Variants in EPB41 observed in about 807,000 individuals in gnomAD.
The protein encoded by EPB41 is protein 4.1.
In EPB41, 65 loss-of-function variants were observed where a neutral mutation model predicts 108.0. That is an observed-to-expected ratio of 0.60 (90% confidence interval 0.49 to 0.74). The LOEUF (loss-of-function observed/expected upper bound fraction) is 0.74. Ranked by LOEUF, EPB41 falls within the 30% of genes least tolerant of loss-of-function variation. The pLI is 0.00. For missense variants in EPB41, 875 were observed against 1,037.0 expected (o/e 0.84, Z 2.15); for synonymous variants, 336 against 358.9 (o/e 0.94, Z 0.72).
chr1:28,982,627 C>T (rs1182099669), intron 1 of EPB41: 14 of 1,108,860 alleles, frequency 1.3e-5, no homozygotes, highest in Admixed American at 3.4e-5. Flanking sequence ...AGCAACCACT[C>T]GGGCCTACAG....
chr1:28,897,608 G>GGGAGA (rs2090817325), intron 1 of EPB41, among the ~76,000 whole-genome samples: 1 of 18,198 alleles, frequency 5.5e-5, no homozygotes, highest in African/African-American at 2.8e-4. Context: ...GGAAGGGGAG[G>GGGAGA]GGAGGGGAGA....
At chr1:28,913,541 G>A (rs1468112217), upstream of EPB41, among the ~76,000 whole-genome samples, 2 of 152,194 alleles carry the variant, frequency 1.3e-5, no homozygotes, top group Non-Finnish European at 2.9e-5. Context: ...GGCTGTGCTG[G>A]GATCGTGAAG....
At chr1:28,950,614 C>G (rs142937955) in intron 1 of EPB41, among the ~76,000 whole-genome samples, 2 of 152,248 alleles carry the variant, frequency 1.3e-5, no homozygotes, top group African/African-American at 2.4e-5. Context: ...CAAAGGGCCT[C>G]CCCTCTCCCT....
chr1:28,945,005 C>T (rs924963585), intron 1 of EPB41, among the ~76,000 whole-genome samples: 1 of 150,194 alleles, frequency 6.7e-6, no homozygotes, highest in Non-Finnish European at 1.5e-5. Context: ...GTGGGAGGAT[C>T]ACTTGAATCT....
chr1:29,030,443 G>A lies in EPB41; in HGVS notation c.1168G>A (p.Ala390Thr). 1 of 1,614,094 alleles carries A rather than the reference G, an allele frequency of 6.2e-7. No homozygotes were observed. Among genetic ancestry groups the A allele is most frequent in the Non-Finnish European group, 8.5e-7 (1 of 1,179,984 alleles). Reference sequence around the variant, plus strand: ...GGCTGACTTGGAGTTTCTTGAGAATGCCAAAAAGTTGTCTATGTATGGAGT... The same window carrying A: ...GGCTGACTTGGAGTTTCTTGAGAATACCAAAAAGTTGTCTATGTATGGAGT... ...AQADLEFLEN[A>T]KKLSMYGVDL... is the part of the protein sequence containing the mutation. The change falls in exon 8 of 21, where the codon GCC (alanine) becomes ACC (threonine). Residue 390 changes from alanine to threonine, a missense_variant. Ala to Thr is a moderately conservative substitution (Grantham distance 58). Around this residue, in one of 3 missense-constraint regions of EPB41, gnomAD observed 519 missense variants for 627.3 expected, o/e 0.83. Transcript: ENST00000343067.
intron 7 of EPB41, among the ~76,000 whole-genome samples, chr1:29,022,883 T>C (rs932635987): frequency 1.3e-5 from 2 of 152,084 alleles, no homozygotes; most frequent in East Asian, 3.8e-4. Flanking sequence ...TGCCAGACAT[T>C]GAAGAGATTT....
chr1:29,022,664 T>C (rs1435312808), intron 7 of EPB41, among the ~76,000 whole-genome samples: 1 of 151,904 alleles, frequency 6.6e-6, no homozygotes, highest in Admixed American at 6.6e-5. Context: ...GTGGTTGCAG[T>C]GAGCCAAGAT....
intron 17 of EPB41, among the ~76,000 whole-genome samples, chr1:29,105,710 TAATA>T (rs920463403): frequency 6.6e-6 from 1 of 150,974 alleles, no homozygotes; most frequent in African/African-American, 2.4e-5. Flanking sequence ...GGGAAAATAT[TAATA>T]AAGCTGCTAT....
chr1:28,889,316 A>G (rs1235285441), intron 1 of EPB41, among the ~76,000 whole-genome samples: 2 of 152,320 alleles, frequency 1.3e-5, no homozygotes, highest in East Asian at 3.9e-4. Flanking sequence ...AGAGCCAGGC[A>G]ACACCTGCCA....
At chr1:28,957,166 T>C (rs985821646) in intron 1 of EPB41, among the ~76,000 whole-genome samples, 1 of 152,270 alleles carries the variant, frequency 6.6e-6, no homozygotes, top group Non-Finnish European at 1.5e-5. Context: ...CTGTCAGATC[T>C]GGTTTTGGCA....
chr1:28,982,358 G>A (rs1244733674), intron 1 of EPB41: 14 of 686,782 alleles, frequency 2.0e-5, no homozygotes, highest in South Asian at 5.5e-5. Flanking sequence ...GCCTCTCGTC[G>A]GGCTTTGGGC....
intron 1 of EPB41, among the ~76,000 whole-genome samples, chr1:28,891,886 C>T (rs978247014): frequency 4.6e-5 from 7 of 151,816 alleles, no homozygotes; most frequent in South Asian, 4.2e-4. Flanking sequence ...ATCAGGAGTT[C>T]GACACAGCCT....
At chr1:29,105,062 A>C (rs1444819389) in intron 17 of EPB41, among the ~76,000 whole-genome samples, 1 of 152,082 alleles carries the variant, frequency 6.6e-6, no homozygotes, top group African/African-American at 2.4e-5. Flanking sequence ...ATGTGTAACC[A>C]AGACACATTT....
At position 29,115,825 on chromosome 1, in the gene EPB41, G is replaced by A; in HGVS notation, c.*6+22G>A. 1.3e-6 allele frequency: 2 copies of A among 1,579,786 alleles called. No homozygotes were observed. Among genetic ancestry groups the A allele is most frequent in the Non-Finnish European group, 1.7e-6 (2 of 1,149,282 alleles). On this transcript the variant is annotated intron_variant, in intron 20 of 20. Coordinates refer to ENST00000343067, the MANE Select transcript of EPB41 (RefSeq NM_001376013.1). This position sits in a 1 kb window ranked among gnomAD's most constrained non-coding sequence, Gnocchi z 4.4. ...TCAGGTACTGGGCGTTCCTGCTGGG[G>A]CTGAGGGTGCCCACAGTCCCAGCCT...
intron 1 of EPB41, among the ~76,000 whole-genome samples, chr1:28,964,127 G>C (rs1437961847): frequency 6.6e-6 from 1 of 152,002 alleles, no homozygotes; most frequent in Admixed American, 6.6e-5. Flanking sequence ...TTTTACTATG[G>C]TACTTCCATA....
chr1:28,970,095 G>A (rs1005156968), intron 1 of EPB41, among the ~76,000 whole-genome samples: 1 of 152,026 alleles, frequency 6.6e-6, no homozygotes, highest in East Asian at 1.9e-4. Flanking sequence ...AGCAAATAGC[G>A]GATTATTTGA....
chr1:28,933,726 T>C (rs2093858754), intron 1 of EPB41, among the ~76,000 whole-genome samples: 1 of 152,102 alleles, frequency 6.6e-6, no homozygotes, highest in Admixed American at 6.6e-5. Flanking sequence ...TTTCCACGAT[T>C]AGATAGTAGA....
intron 17 of EPB41, among the ~76,000 whole-genome samples, chr1:29,102,775 T>TTTTATTTTA (rs1665860415): frequency 6.6e-6 from 1 of 151,910 alleles, no homozygotes; most frequent in African/African-American, 2.4e-5. Flanking sequence ...CATATTTTTA[T>TTTTATTTTA]TTTTATTTTT....
rs932117775 is a variant in EPB41 at position 28,993,657 on chromosome 1, CTTTTTTTT to C, written c.681+125_681+132del. ...TCACTGTAGTGATTATTTCTTTTTT[CTTTTTTTT>C]TTTTTTTTTGAGACAGAGTTTTGCT... On this transcript the variant is annotated intron_variant, in intron 3 of 20. Transcript: ENST00000343067. The C allele has an allele frequency of 1.1e-5, 6 of 554,096 alleles. No individual in the cohort carries two copies. In the East Asian group the frequency reaches 1.4e-4, roughly 13 times the overall value. The allele number at this position is 554,096 out of a possible 1,614,324, so 34.3% of individuals were successfully genotyped here. A position where few individuals can be genotyped will look rare whatever the true frequency, so the allele number is the denominator to read the frequency against.
Sources: allele counts gnomAD v4.1 joint callset (sites outside exome capture counted in the v4.1 genomes callset), GRCh38; gene constraint gnomAD v4.1.1; regional missense constraint gnomAD v4.1.1; non-coding constraint Gnocchi (gnomAD v3.1); transcripts MANE v1.5; gene names NCBI Gene and HGNC (gene_info 2026-07-23, HGNC 2026-07-21).